Variants in CHN2 observed in about 807,000 individuals in gnomAD.
CHN2 encodes beta-chimaerin.
CHN2 carries 35 observed loss-of-function variants against 56.3 expected under a neutral mutation model. The ratio of observed to expected loss-of-function variants is 0.62; its 90% confidence interval spans 0.47 to 0.82. The LOEUF (loss-of-function observed/expected upper bound fraction) is 0.82. Among genes scored for constraint, CHN2 ranks in the 40% least tolerant of loss-of-function variants. CHN2 has a pLI of 0.00. For missense variants in CHN2, 491 were observed against 580.5 expected (o/e 0.85, Z 1.58); for synonymous variants, 210 against 212.8 (o/e 0.99, Z 0.12).
chr7:29,302,500 C>CTTTTTTTT (rs70980525), intron 1 of CHN2, among the ~76,000 whole-genome samples: 2 of 117,816 alleles, frequency 1.7e-5, no homozygotes, highest in African/African-American at 3.4e-5. Flanking sequence ...AATTTTAATT[C>CTTTTTTTT]TTTTTTTTTT....
chr7:29,413,978 C>T (rs1803488157), intron 6 of CHN2, among the ~76,000 whole-genome samples: 1 of 152,194 alleles, frequency 6.6e-6, no homozygotes, highest in African/African-American at 2.4e-5. Flanking sequence ...GTGTTCATTA[C>T]ACACATGCCT....
intron 6 of CHN2, among the ~76,000 whole-genome samples, chr7:29,426,946 A>G (rs1804921140): frequency 6.6e-6 from 1 of 151,996 alleles, no homozygotes; most frequent in Non-Finnish European, 1.5e-5. Context: ...TGCCAGTGTC[A>G]AGTCTTTTTC....
intron 1 of CHN2, among the ~76,000 whole-genome samples, chr7:29,254,173 G>A (rs1276113633): frequency 6.6e-6 from 1 of 152,196 alleles, no homozygotes; most frequent in Non-Finnish European, 1.5e-5. Context: ...AAAGTGCTGG[G>A]ATTACAGGCG....
chr7:29,218,427 A>G (rs910828532), intron 1 of CHN2, among the ~76,000 whole-genome samples: 1 of 152,138 alleles, frequency 6.6e-6, no homozygotes, highest in South Asian at 2.1e-4. Context: ...TGGAAATACC[A>G]TTTGACCCAG....
intron 2 of CHN2, among the ~76,000 whole-genome samples, chr7:29,363,313 C>T (rs1177808127): frequency 6.6e-6 from 1 of 152,208 alleles, no homozygotes; most frequent in East Asian, 1.9e-4. Flanking sequence ...TGGTGAAAGC[C>T]TGTCTCTACA....
chr7:29,150,723 C>T (rs941999307), intron 2 of CHN2, among the ~76,000 whole-genome samples: 1 of 152,180 alleles, frequency 6.6e-6, no homozygotes, highest in Non-Finnish European at 1.5e-5. Flanking sequence ...GTGTCTAGGT[C>T]TCTCCCTGCA....
At chr7:29,162,198 A>G (rs1179714000) in intron 2 of CHN2, among the ~76,000 whole-genome samples, 1 of 152,254 alleles carries the variant, frequency 6.6e-6, no homozygotes, top group African/African-American at 2.4e-5. Context: ...AAAATCTTAT[A>G]TTCACACAAA....
At chr7:29,295,810 A>G (rs763599389) in intron 1 of CHN2, among the ~76,000 whole-genome samples, 3 of 152,212 alleles carry the variant, frequency 2.0e-5, no homozygotes, top group Non-Finnish European at 4.4e-5. Context: ...ACTAATGCAG[A>G]TCTGGCCTCT....
At chr7:29,166,673 T>G (rs542438074) in intron 2 of CHN2, among the ~76,000 whole-genome samples, 1 of 152,196 alleles carries the variant, frequency 6.6e-6, no homozygotes, top group African/African-American at 2.4e-5. Context: ...AATATTTTCT[T>G]ATACTTTTAG....
upstream of CHN2, chr7:29,194,619 C>T (rs1027477785): frequency 1.1e-5 from 3 of 278,002 alleles, no homozygotes; most frequent in Admixed American, 5.4e-5. Flanking sequence ...GCGTGGACGG[C>T]AGAGGGGCTC....
intron 7 of CHN2, among the ~76,000 whole-genome samples, chr7:29,494,494 G>GTCC (rs1198144783): frequency 1.3e-5 from 2 of 152,096 alleles, no homozygotes; most frequent in Non-Finnish European, 2.9e-5. Context: ...AGGCCTCTAA[G>GTCC]TGAATTATGA....
At chr7:29,435,117 A>C (rs1275946336) in intron 6 of CHN2, among the ~76,000 whole-genome samples, 1 of 152,162 alleles carries the variant, frequency 6.6e-6, no homozygotes, top group East Asian at 1.9e-4. Context: ...ACAAGCAAAC[A>C]AACAAAAAAA....
chr7:29,147,532 C>T (rs1792927260), intron 2 of CHN2, among the ~76,000 whole-genome samples: 2 of 152,230 alleles, frequency 1.3e-5, no homozygotes, highest in African/African-American at 4.8e-5. Flanking sequence ...CTGTTTTCTC[C>T]TAAGTACCTA....
chr7:29,304,739 G>A lies in CHN2; in HGVS notation c.50-49886G>A, dbSNP rs185679383. Among the ~76,000 whole-genome samples the A allele has an allele frequency of 3.4e-4, 51 of 152,236 alleles. No homozygotes were observed. The East Asian group carries it at 7.3e-3, about 22-fold the overall frequency. ...AACTGTGTGCTATGTTCTAAATCTC[G>A]CCCTCTCCAGAAAGGAAGATATAGG... On this transcript the variant is annotated intron_variant, in intron 1 of 12. Coordinates refer to ENST00000222792, the MANE Select transcript of CHN2 (RefSeq NM_004067.4).
At chr7:29,507,190 G>A (rs369200761) in intron 10 of CHN2, 38 bp from the exon 11 acceptor site, 810 of 1,538,566 alleles carry the variant, frequency 5.3e-4, no homozygotes, top group Non-Finnish European at 6.5e-4. Flanking sequence ...GGTGAAATAA[G>A]GTCCTAATTA....
chr7:29,364,046 A>T (rs1373551478), intron 2 of CHN2, among the ~76,000 whole-genome samples: 1 of 152,226 alleles, frequency 6.6e-6, no homozygotes, highest in African/African-American at 2.4e-5. Flanking sequence ...GGGGCTTTGG[A>T]ATCAAAAGGC....
intron 1 of CHN2, chr7:29,335,984 C>A (rs947811268): frequency 6.6e-6 from 1 of 152,366 alleles, no homozygotes; most frequent in Non-Finnish European, 1.5e-5. Flanking sequence ...CGGACAGCTC[C>A]AGTGGGGTAG....
At chr7:29,299,036 GA>G (rs1441829100) in intron 1 of CHN2, among the ~76,000 whole-genome samples, 1 of 152,122 alleles carries the variant, frequency 6.6e-6, no homozygotes, top group African/African-American at 2.4e-5. Flanking sequence ...AATTTATTGG[GA>G]AAAAAGGGGA....
At chr7:29,461,646 C>G (rs542584613) in intron 6 of CHN2, among the ~76,000 whole-genome samples, 1 of 152,310 alleles carries the variant, frequency 6.6e-6, no homozygotes, top group South Asian at 2.1e-4. Flanking sequence ...GTCAGACTTC[C>G]TAGGCTGCCA....
Sources: gnomAD v4.1 joint callset for allele counts (sites outside exome capture counted in the v4.1 genomes callset) on GRCh38, gnomAD v4.1.1 for gene constraint, MANE v1.5 for transcripts, NCBI Gene and HGNC (gene_info 2026-07-23, HGNC 2026-07-21) for gene names.